FGD6: variants seen among roughly 807,000 people sequenced by gnomAD.
The protein encoded by FGD6 is FYVE, RhoGEF and PH domain-containing protein 6.
A neutral mutation model predicts 149.4 loss-of-function variants in FGD6; 90 were observed. That is an observed-to-expected ratio of 0.60 (90% CI 0.51 to 0.72). The LOEUF (loss-of-function observed/expected upper bound fraction) is 0.72. FGD6 is among the 30% of genes least tolerant of loss of function. The pLI, the probability that FGD6 is intolerant of heterozygous loss-of-function variation, is 0.00. For synonymous variants in FGD6, 527 were observed against 584.0 expected (o/e 0.90, Z 1.41); for missense variants, 1,437 against 1,684.8 (o/e 0.85, Z 2.57).
chr12:95,118,301 A>C lies in FGD6; in HGVS notation c.3083-4600T>G, dbSNP rs1202718465. ...GAGGTGGAGTTTGCAGTGAACCGAG[A>C]TTGTACCTCTACACTCTAGTCTGGA... On this transcript the variant is annotated intron_variant, in intron 8 of 20. Coordinates refer to ENST00000343958, the MANE Select transcript of FGD6 (RefSeq NM_018351.4). Among the ~76,000 whole-genome samples, 10 of 150,068 alleles carry C rather than the reference A, an allele frequency of 6.7e-5. No individual in the cohort carries two copies. In the South Asian group the frequency reaches 2.1e-3, roughly 32 times the overall value.
intron 3 of FGD6, among the ~76,000 whole-genome samples, chr12:95,157,810 TGGAGACTACCA>T (rs993699247): frequency 3.3e-5 from 5 of 152,172 alleles, no homozygotes; most frequent in African/African-American, 7.2e-5. Flanking sequence ...TTCCTAATGA[TGGAGACTACCA>T]GGTTGGATAT....
intron 2 of FGD6, among the ~76,000 whole-genome samples, chr12:95,183,437 T>A (rs983852000): frequency 6.6e-6 from 1 of 152,184 alleles, no homozygotes; most frequent in Non-Finnish European, 1.5e-5. Flanking sequence ...TGGGACTACA[T>A]GTGAATGAGA....
chr12:95,165,954 T>A (rs1005094741), intron 3 of FGD6, among the ~76,000 whole-genome samples: 1 of 150,170 alleles, frequency 6.7e-6, no homozygotes, highest in African/African-American at 2.5e-5. Flanking sequence ...GCTTGTTTTT[T>A]CTTTTTCTGT....
chr12:95,107,689 A>G (rs1565897749), intron 11 of FGD6, 58 bp from the exon 12 acceptor site: 3 of 1,566,006 alleles, frequency 1.9e-6, no homozygotes, highest in Non-Finnish European at 2.6e-6. Flanking sequence ...ACGACAATAT[A>G]ATTTCCTTTT....
intron 9 of FGD6, among the ~76,000 whole-genome samples, chr12:95,111,937 A>G (rs1325947733): frequency 6.6e-6 from 1 of 152,206 alleles, no homozygotes; most frequent in African/African-American, 2.4e-5. Flanking sequence ...TAAAGGATAT[A>G]CAAGAATGTG....
rs138052482 is a variant in FGD6, at chr12:95,112,942, C to T, written c.3133+709G>A. On this transcript the variant is annotated intron_variant, in intron 9 of 20. Transcript: ENST00000343958. ...ACTTCATGGACTCATGATTTTGAAG[C>T]TTGAGGACCTTGCAGATCTGGTTCA... is the stretch of plus-strand genomic sequence containing the variant. Among the ~76,000 whole-genome samples, 21 of 152,276 alleles carry T rather than the reference C, an allele frequency of 1.4e-4. No individual in the cohort carries two copies. The East Asian group carries it at 1.5e-3, about 11-fold the overall frequency.
At chr12:95,172,782 T>C in intron 2 of FGD6, 38 bp from the exon 3 acceptor site, 1 of 1,510,296 alleles carries the variant, frequency 6.6e-7, no homozygotes, top group Non-Finnish European at 8.9e-7. Context: ...TCACCTTCAA[T>C]AATAAGAAGT....
At position 95,093,837 on chromosome 12, in the gene FGD6, T is replaced by G. The variant is rs371236540; in HGVS notation, c.3600+755A>C. On this transcript the variant is annotated intron_variant, in intron 15 of 20. Transcript: ENST00000343958. ...GCACTCCAGCCTGGCGACAGAGCAA[T>G]ACTCCATCTCAACAAAAAAAAAAAA... 9.0e-4 allele frequency among the ~76,000 whole-genome samples: 122 copies of G among 135,468 alleles called. 1 individual carries two copies. The highest frequency in any genetic ancestry group is 3.1e-3 in the African/African-American group (110 of 35,514). The allele number at this position is 135,468 out of a possible 152,430, so 88.9% of individuals were successfully genotyped here. A position where few individuals can be genotyped will look rare whatever the true frequency, so the allele number is the denominator to read the frequency against.
intron 2 of FGD6, among the ~76,000 whole-genome samples, chr12:95,185,461 T>C (rs1008176817): frequency 2.0e-5 from 3 of 151,558 alleles, no homozygotes; most frequent in Admixed American, 2.0e-4. Context: ...AAAAAAAAAA[T>C]GCTCTTTCAG....
At chr12:95,086,455 A>AT (rs1464018567) in intron 18 of FGD6, among the ~76,000 whole-genome samples, 1 of 151,550 alleles carries the variant, frequency 6.6e-6, no homozygotes, top group Non-Finnish European at 1.5e-5. Context: ...AAAGAGGCTA[A>AT]TTTTTACTTC....
chr12:95,187,075 T>G lies in FGD6; in HGVS notation c.2442-14331A>C, dbSNP rs575667583. Among the ~76,000 whole-genome samples the G allele has an allele frequency of 3.1e-4, 47 of 152,312 alleles. No individual in the cohort carries two copies. In the South Asian group the frequency reaches 9.3e-3, roughly 30 times the overall value. On this transcript the variant is annotated intron_variant, in intron 2 of 20. Transcript: ENST00000343958. Reference sequence around the variant, plus strand: ...GGCCGGGCATAGTGGCTCATGCCTGTAATCCCAGAACTTTGGGATGCCGAG... The same window carrying G: ...GGCCGGGCATAGTGGCTCATGCCTGGAATCCCAGAACTTTGGGATGCCGAG...
At chr12:95,199,240 G>A (rs1400636304) in intron 2 of FGD6, among the ~76,000 whole-genome samples, 9 of 152,092 alleles carry the variant, frequency 5.9e-5, no homozygotes, top group Non-Finnish European at 1.5e-5. Flanking sequence ...CACGGGCTTT[G>A]GTTGCATCAG....
chr12:95,102,443 C>CAAAAAAAAA (rs55926317), intron 14 of FGD6, among the ~76,000 whole-genome samples: 14 of 104,216 alleles, frequency 1.3e-4, no homozygotes, highest in African/African-American at 3.0e-4. Context: ...GACCCTTTCT[C>CAAAAAAAAA]AAAAAAAAAA....
chr12:95,214,183 C>G (rs564013291), intron 1 of FGD6, among the ~76,000 whole-genome samples: 34 of 152,230 alleles, frequency 2.2e-4, no homozygotes, highest in Non-Finnish European at 4.1e-4. Context: ...TATCCCAGTG[C>G]TAACAACAGG....
At chr12:95,203,315 A>G (rs2056672359) in intron 2 of FGD6, among the ~76,000 whole-genome samples, 1 of 152,196 alleles carries the variant, frequency 6.6e-6, no homozygotes, top group East Asian at 1.9e-4. Flanking sequence ...AATGACAGGC[A>G]CTTCTGGGCA....
chr12:95,153,064 A>T (rs1880357076), intron 3 of FGD6, 71 bp from the exon 4 acceptor site: 11 of 1,324,258 alleles, frequency 8.3e-6, no homozygotes, highest in Non-Finnish European at 1.2e-5. Context: ...CTAGTCAGAC[A>T]CGAATTTTAA....
chr12:95,143,579 T>C (rs1419370147), intron 5 of FGD6, among the ~76,000 whole-genome samples: 13 of 152,140 alleles, frequency 8.5e-5, no homozygotes, highest in Admixed American at 8.5e-4. Context: ...CTCATAGTAT[T>C]ATAAGCTCTA....
At chr12:95,083,925 A>G (rs1316655864) in intron 20 of FGD6, among the ~76,000 whole-genome samples, 1 of 152,220 alleles carries the variant, frequency 6.6e-6, no homozygotes, top group Non-Finnish European at 1.5e-5. Flanking sequence ...TGTTAAGCAA[A>G]CTGATAACAT....
intron 8 of FGD6, chr12:95,125,997 G>A: frequency 7.2e-7 from 1 of 1,387,564 alleles, no homozygotes; most frequent in Non-Finnish European, 1.0e-6. Context: ...CTGGCAGAAG[G>A]TAGACATCAA....
Sources: allele counts gnomAD v4.1 joint callset (sites outside exome capture counted in the v4.1 genomes callset), GRCh38; gene constraint gnomAD v4.1.1; transcripts MANE v1.5; gene names NCBI Gene and HGNC (gene_info 2026-07-23, HGNC 2026-07-21).